Variants in DPP6 observed in about 807,000 individuals in gnomAD.
DPP6 encodes A-type potassium channel modulatory protein DPP6.
In DPP6, 69 loss-of-function variants were observed where a neutral mutation model predicts 122.6. The observed-to-expected ratio is 0.56, with a 90% CI of 0.46 to 0.69. The LOEUF is 0.69. Among genes scored for constraint, DPP6 ranks in the 30% least tolerant of loss-of-function variants. The probability of loss-of-function intolerance (pLI) is 0.00; values close to 1 mark genes in which losing one functional copy is unlikely to be tolerated. For missense variants in DPP6, 928 were observed against 1,116.9 expected (o/e 0.83, Z 2.41); for synonymous variants, 418 against 433.1 (o/e 0.97, Z 0.43).
At position 154,244,055 on chromosome 7, in the gene DPP6, G is replaced by C. The variant is rs183507524; in HGVS notation, c.243+190992G>C. Among the ~76,000 whole-genome samples, 159 of 152,002 alleles carry C rather than the reference G, an allele frequency of 1.0e-3. 1 individual carries two copies. Among genetic ancestry groups the C allele is most frequent in the Non-Finnish European group, 1.6e-3 (110 of 67,982 alleles). ...TAAAATGCTTATTTTAAAATTTCAA[G>C]AAACCCCACTGGTATAAAAACAAAG... On this transcript the variant is annotated intron_variant, in intron 1 of 25. Coordinates refer to ENST00000377770, the MANE Select transcript of DPP6 (RefSeq NM_130797.4).
At chr7:153,916,057 C>T (rs1212207735) in intron 1 of DPP6, among the ~76,000 whole-genome samples, 2 of 151,890 alleles carry the variant, frequency 1.3e-5, no homozygotes, top group African/African-American at 4.8e-5. Flanking sequence ...AGCTCTGCCT[C>T]CCAGGTTCAC....
the DPP6 span, among the ~76,000 whole-genome samples, chr7:153,874,143 T>G: frequency 2.6e-5 from 4 of 152,164 alleles, no homozygotes; most frequent in African/African-American, 9.7e-5. Flanking sequence ...CTTCAAATTA[T>G]CTGCACACCT....
At chr7:154,516,497 T>TTTTC (rs1307134389) in intron 3 of DPP6, among the ~76,000 whole-genome samples, 1 of 152,104 alleles carries the variant, frequency 6.6e-6, no homozygotes, top group African/African-American at 2.4e-5. Context: ...CGTATAATCA[T>TTTTC]GAAAGACATA....
intron 3 of DPP6, among the ~76,000 whole-genome samples, chr7:154,499,066 C>T (rs1359574521): frequency 1.3e-5 from 2 of 152,148 alleles, no homozygotes; most frequent in African/African-American, 4.8e-5. Flanking sequence ...AGCTTGGCCA[C>T]GTGACTAACC....
At chr7:153,939,187 G>A (rs1300137842) in intron 1 of DPP6, among the ~76,000 whole-genome samples, 1 of 152,156 alleles carries the variant, frequency 6.6e-6, no homozygotes, top group Non-Finnish European at 1.5e-5. Context: ...CGATAGTACT[G>A]TTAGTCCCAT....
chr7:153,906,727 C>T (rs966905564), intron 1 of DPP6, among the ~76,000 whole-genome samples: 5 of 152,236 alleles, frequency 3.3e-5, no homozygotes, highest in Admixed American at 2.0e-4. Flanking sequence ...GTGAGGATTA[C>T]AGGCGTGAGC....
At chr7:154,708,350 C>T (rs188018402) in intron 7 of DPP6, among the ~76,000 whole-genome samples, 5 of 152,260 alleles carry the variant, frequency 3.3e-5, no homozygotes, top group East Asian at 1.9e-4. Flanking sequence ...TAGGATTTGC[C>T]GACTTTTTCT....
intron 1 of DPP6, among the ~76,000 whole-genome samples, chr7:153,945,625 T>C (rs1801916088): frequency 6.6e-6 from 1 of 152,196 alleles, no homozygotes; most frequent in African/African-American, 2.4e-5. Flanking sequence ...TTCCTACTTT[T>C]TTCTTATCGT....
intron 2 of DPP6, among the ~76,000 whole-genome samples, chr7:154,469,072 G>A (rs559207264): frequency 2.6e-5 from 4 of 152,266 alleles, no homozygotes; most frequent in African/African-American, 9.6e-5. Flanking sequence ...ATGAAGTTGC[G>A]ATTCCTAACT....
intron 1 of DPP6, among the ~76,000 whole-genome samples, chr7:154,313,715 A>ATATATATACT: frequency 2.8e-5 from 1 of 35,810 alleles, no homozygotes; most frequent in East Asian, 1.2e-3. Flanking sequence ...ATATATATAT[A>ATATATATACT]CACACACACG....
At chr7:153,798,115 T>G in the DPP6 span, among the ~76,000 whole-genome samples, 2 of 152,152 alleles carry the variant, frequency 1.3e-5, no homozygotes, top group Non-Finnish European at 2.9e-5. Flanking sequence ...GTGCTGGGAT[T>G]ACAGGCGTGA....
chr7:153,953,623 A>G (rs1279286688), intron 1 of DPP6, among the ~76,000 whole-genome samples: 1 of 152,198 alleles, frequency 6.6e-6, no homozygotes, highest in Non-Finnish European at 1.5e-5. Context: ...CCATAAAATG[A>G]TAAAGCTGGG....
chr7:154,078,695 T>G (rs1040688868), intron 1 of DPP6, among the ~76,000 whole-genome samples: 4 of 152,066 alleles, frequency 2.6e-5, no homozygotes, highest in African/African-American at 9.7e-5. Flanking sequence ...TCTAGCCAAC[T>G]CCTGAAAAAT....
intron 1 of DPP6, among the ~76,000 whole-genome samples, chr7:154,345,224 G>T (rs1810295374): frequency 6.6e-6 from 1 of 152,092 alleles, no homozygotes; most frequent in Non-Finnish European, 1.5e-5. Flanking sequence ...AGTGGAAAGA[G>T]GCTCTCACCT....
chr7:153,768,509 A>T, the DPP6 span, among the ~76,000 whole-genome samples: 1 of 152,106 alleles, frequency 6.6e-6, no homozygotes, highest in Non-Finnish European at 1.5e-5. Context: ...GCTGGTTTAT[A>T]TAAGGGCTTC....
rs372727461 is a variant in DPP6 at position 154,801,307 on chromosome 7, A to T, written c.1300-48A>T. On this transcript the variant is annotated intron_variant, in intron 12 of 25. Transcript: ENST00000377770. ...TTTTATCCTGGTTCAACCTCTTCAG[A>T]ATAAATGATGTTTTAGTTGTGGTTT... The T allele has an allele frequency of 2.6e-6, 4 of 1,552,314 alleles. No individual in the cohort carries two copies. The African/African-American group carries it at 5.5e-5, about 21-fold the overall frequency.
At chr7:154,668,219 A>ATATATATATATATATATATATATT (rs1554430259) in intron 6 of DPP6, among the ~76,000 whole-genome samples, 1 of 54,404 alleles carries the variant, frequency 1.8e-5, no homozygotes, top group Non-Finnish European at 4.7e-5. Flanking sequence ...ATATATATAT[A>ATATATATATATATATATATATATT]ATATACACAT....
At position 154,331,357 on chromosome 7, in the gene DPP6, G is replaced by T. The variant is rs114217470; in HGVS notation, c.244-114857G>T. Reference sequence around the variant, plus strand: ...CCTACCTGCTGGCATGGTACAAAAGGTCTCTGCCGAGGTCTGAGGGACCTC... The same window carrying T: ...CCTACCTGCTGGCATGGTACAAAAGTTCTCTGCCGAGGTCTGAGGGACCTC... On this transcript the variant is annotated intron_variant, in intron 1 of 25. Coordinates refer to ENST00000377770, the MANE Select transcript of DPP6 (RefSeq NM_130797.4). 4.0e-3 allele frequency among the ~76,000 whole-genome samples: 616 copies of T among 152,332 alleles called. 9 individuals carry two copies. Among genetic ancestry groups the T allele is most frequent in the African/African-American group, 0.014 (586 of 41,576 alleles).
intron 1 of DPP6, among the ~76,000 whole-genome samples, chr7:153,953,498 G>A (rs879686315): frequency 1.3e-4 from 20 of 152,142 alleles, no homozygotes; most frequent in Non-Finnish European, 1.9e-4. Context: ...CTGTGGTTCG[G>A]GGAAAGATCA....
Sources: allele counts gnomAD v4.1 joint callset (sites outside exome capture counted in the v4.1 genomes callset), GRCh38; gene constraint gnomAD v4.1.1; transcripts MANE v1.5; gene names NCBI Gene and HGNC (gene_info 2026-07-23, HGNC 2026-07-21).